GRHL2: variants seen among roughly 807,000 people sequenced by gnomAD.
GRHL2 encodes the protein grainyhead like transcription factor 2.
Under a neutral mutation model 83.8 loss-of-function variants are expected in GRHL2, and 21 were observed. The ratio of observed to expected loss-of-function variants is 0.25; its 90% CI spans 0.18 to 0.36. The LOEUF (loss-of-function observed/expected upper bound fraction) is 0.36, where lower values mean the gene tolerates loss of function less well. Among genes scored for constraint, GRHL2 ranks in the 10% least tolerant of loss-of-function variants. The pLI, the probability that GRHL2 is intolerant of heterozygous loss-of-function variation, is 1.00. For missense variants in GRHL2, 623 were observed against 781.8 expected, an observed-to-expected ratio of 0.80 and a Z score of 2.42; for synonymous variants, 280 against 278.9, an observed-to-expected ratio of 1.00 and a Z score of -0.04.
Position 101,543,364 on chromosome 8 carries a change from C to T in GRHL2, c.144C>T (p.Thr48=). 6.2e-7 allele frequency: 1 copy of T among 1,614,142 alleles called. No individual in the cohort carries two copies. The highest frequency in any genetic ancestry group is 8.5e-7 in the Non-Finnish European group (1 of 1,179,982). The change falls in exon 2 of 16, where the codon ACC becomes ACT. Residue 48 remains threonine, a synonymous_variant. Transcript: ENST00000646743. The part of the protein sequence containing the change: ...SYLENPLTAA[T]KAMMSINGDE... The stretch of plus-strand genomic sequence containing the variant: ...TGGAGAATCCCCTGACAGCAGCCAC[C>T]AAGGCCATGATGAGCATTAATGGTG...
At chr8:101,500,578 G>A (rs145774671) in intron 1 of GRHL2, among the ~76,000 whole-genome samples, 188 of 152,122 alleles carry the variant, frequency 1.2e-3, no homozygotes, top group African/African-American at 4.4e-3. Context: ...GCACGATCTC[G>A]GCTCACTGCA....
chr8:101,561,286 G>A lies in GRHL2; in HGVS notation c.678+2474G>A, dbSNP rs911856853. Among the ~76,000 whole-genome samples the A allele has an allele frequency of 2.0e-5, 3 of 152,186 alleles. No individual in the cohort carries two copies. The East Asian group carries it at 5.8e-4, about 29-fold the overall frequency. ...CATAATAACTTTTAAAAGGCACTGG[G>A]ATTCCTCTGCTTCTAGATCATTGCT... On this transcript the variant is annotated intron_variant, in intron 4 of 15. Transcript: ENST00000646743.
chr8:101,672,466 G>C (rs936330684), downstream of GRHL2, among the ~76,000 whole-genome samples: 1 of 151,612 alleles, frequency 6.6e-6, no homozygotes, highest in Non-Finnish European at 1.5e-5. Flanking sequence ...AATGGAAGAT[G>C]AAATGAATGA....
At chr8:101,663,537 G>T (rs1398678488) in intron 14 of GRHL2, among the ~76,000 whole-genome samples, 3 of 151,946 alleles carry the variant, frequency 2.0e-5, no homozygotes, top group Non-Finnish European at 2.9e-5. Context: ...ACTTGAACCT[G>T]GGAGGCAGAG....
At chr8:101,523,970 G>C (rs926166009) in intron 1 of GRHL2, among the ~76,000 whole-genome samples, 2 of 152,096 alleles carry the variant, frequency 1.3e-5, no homozygotes, top group African/African-American at 4.8e-5. Flanking sequence ...CATCAGGTGC[G>C]TAATAGAATG....
At chr8:101,675,295 T>C in the GRHL2 span, among the ~76,000 whole-genome samples, 1 of 152,156 alleles carries the variant, frequency 6.6e-6, no homozygotes, top group Non-Finnish European at 1.5e-5. Context: ...GACATGATTG[T>C]ATATCTAGAA....
intron 13 of GRHL2, among the ~76,000 whole-genome samples, chr8:101,649,134 C>T (rs1813570795): frequency 6.6e-6 from 1 of 152,126 alleles, no homozygotes; most frequent in Admixed American, 6.5e-5. Context: ...TGCGATGTAC[C>T]CCTCAGGAGA....
chr8:101,496,596 C>G (rs1253880419), intron 1 of GRHL2, among the ~76,000 whole-genome samples: 2 of 151,992 alleles, frequency 1.3e-5, no homozygotes, highest in Admixed American at 6.6e-5. Flanking sequence ...AAGGGGCAGG[C>G]TTGTTGACAC....
intron 13 of GRHL2, 139 bp from the exon 14 acceptor site, chr8:101,649,275 T>C: frequency 1.4e-6 from 1 of 709,016 alleles, no homozygotes; most frequent in Non-Finnish European, 2.6e-6. Context: ...TGTTGAATGT[T>C]AGTTATCTGG....
chr8:101,672,569 C>T (rs200031418), downstream of GRHL2, among the ~76,000 whole-genome samples: 3 of 150,838 alleles, frequency 2.0e-5, no homozygotes, highest in Admixed American at 6.6e-5. Context: ...AGACCAAATC[C>T]ATGTCTGATT....
In GRHL2 at chr8:101,669,690, A is replaced by G. The variant is rs946412578; in HGVS notation, c.*2987A>G. The G allele has an allele frequency of 3.2e-5, 4 of 126,122 alleles. No homozygotes were observed. Among genetic ancestry groups the G allele is most frequent in the Non-Finnish European group, 6.7e-5 (4 of 59,582 alleles). The allele number at this position is 126,122 out of a possible 1,614,324, so 7.8% of individuals were successfully genotyped here. ...TTATTTTATTTTTTGTACATTTTTAAGGAGAAAAAATAAATATTCATAACA... is the reference window on the plus strand; with the variant it reads ...TTATTTTATTTTTTGTACATTTTTAGGGAGAAAAAATAAATATTCATAACA... On this transcript the variant is annotated 3_prime_UTR_variant, in exon 16 of 16. Coordinates refer to ENST00000646743, the MANE Select transcript of GRHL2 (RefSeq NM_024915.4).
At chr8:101,518,140 A>G (rs1053899182) in intron 1 of GRHL2, among the ~76,000 whole-genome samples, 1 of 152,130 alleles carries the variant, frequency 6.6e-6, no homozygotes, top group African/African-American at 2.4e-5. Context: ...CCCCCATATC[A>G]CATACTTCCC....
chr8:101,679,037 C>T, the GRHL2 span, among the ~76,000 whole-genome samples: 13,968 of 136,530 alleles, frequency 0.1, 189 homozygotes, highest in South Asian at 0.17. Context: ...TCCAAAGGAA[C>T]GCAGTTCCTC....
rs1176645578 is a variant in GRHL2 at position 101,612,516 on chromosome 8, G to GATACATACATAC, written c.1099-7020_1099-7019insCATACATACATA. Among the ~76,000 whole-genome samples, 138 of 79,806 alleles carry GATACATACATAC rather than the reference G, an allele frequency of 1.7e-3. 2 individuals carry two copies. The highest frequency in any genetic ancestry group is 2.0e-3 in the Admixed American group (15 of 7,616). 52.4% of individuals were successfully genotyped at this position (79,806 alleles called of 152,430 possible). A position where few individuals can be genotyped will look rare whatever the true frequency, so the allele number is the denominator to read the frequency against. Reference sequence around the variant, plus strand: ...AGATAGATAGATAGATAGATAGATAGATAGATACATACATACATACATACA... The same window carrying GATACATACATAC: ...AGATAGATAGATAGATAGATAGATAGATACATACATACATAGATACATACATACATACATACA... On this transcript the variant is annotated intron_variant, in intron 8 of 15. Coordinates refer to ENST00000646743, the MANE Select transcript of GRHL2 (RefSeq NM_024915.4).
chr8:101,529,997 T>C (rs1451965028), intron 1 of GRHL2, among the ~76,000 whole-genome samples: 1 of 152,184 alleles, frequency 6.6e-6, no homozygotes, highest in East Asian at 1.9e-4. Flanking sequence ...ATGTTATTTC[T>C]CTCTCTGGCC....
intron 1 of GRHL2, among the ~76,000 whole-genome samples, chr8:101,505,479 A>G (rs1406562621): frequency 6.8e-6 from 1 of 147,946 alleles, no homozygotes. Context: ...CGGGAGGCTG[A>G]GTCAGGAGAA....
chr8:101,668,974 A>G lies in GRHL2; in HGVS notation c.*2271A>G, dbSNP rs970597286. On this transcript the variant is annotated 3_prime_UTR_variant, in exon 16 of 16. Transcript: ENST00000646743. ...TCCTTGAGCAATCATGGTGGTGACAATTGCCACAAGGGATATGAGGCCAGT... is the reference window on the plus strand; with the variant it reads ...TCCTTGAGCAATCATGGTGGTGACAGTTGCCACAAGGGATATGAGGCCAGT... 2.0e-5 allele frequency: 3 copies of G among 152,224 alleles called. No homozygotes were observed. In the East Asian group the frequency reaches 5.8e-4, roughly 29 times the overall value. The allele number at this position is 152,224 out of a possible 1,614,324, so 9.4% of individuals were successfully genotyped here.
intron 13 of GRHL2, among the ~76,000 whole-genome samples, chr8:101,647,183 G>T (rs574133266): frequency 6.6e-6 from 1 of 152,148 alleles, no homozygotes; most frequent in Admixed American, 6.5e-5. Context: ...CCAGGAGTTC[G>T]AGAAACCCCC....
chr8:101,602,758 G>A (rs2030784), intron 8 of GRHL2, among the ~76,000 whole-genome samples: 74,476 of 152,066 alleles, frequency 0.49, 19,481 homozygotes, highest in African/African-American at 0.67. Flanking sequence ...TAGCTTTGGC[G>A]AACATTTGAG....
Sources: allele counts gnomAD v4.1 joint callset (sites outside exome capture counted in the v4.1 genomes callset), GRCh38; gene constraint gnomAD v4.1.1; transcripts MANE v1.5; gene names NCBI Gene and HGNC (gene_info 2026-07-23, HGNC 2026-07-21).